Variants in LPP observed in about 807,000 individuals in gnomAD.
LPP encodes the protein lipoma-preferred partner.
In LPP, 38 loss-of-function variants were observed where a neutral mutation model predicts 60.4. That is an observed-to-expected ratio of 0.63 (90% CI 0.49 to 0.83). The LOEUF is 0.83. Ranked by LOEUF, LPP falls within the 40% of genes least tolerant of loss-of-function variation. LPP has a pLI of 0.00. For synonymous variants in LPP, 328 were observed against 290.8 expected, an observed-to-expected ratio of 1.13 and a Z score of -1.30; for missense variants, 902 against 783.6, an observed-to-expected ratio of 1.15 and a Z score of -1.80.
At chr3:188,175,314 C>T (rs1722763850) in intron 1 of LPP, among the ~76,000 whole-genome samples, 1 of 152,050 alleles carries the variant, frequency 6.6e-6, no homozygotes. Flanking sequence ...GTGTGAAACC[C>T]CTGACCTCAA....
At chr3:188,803,875 T>G (rs949027389) in intron 9 of LPP, among the ~76,000 whole-genome samples, 10 of 152,306 alleles carry the variant, frequency 6.6e-5, no homozygotes, top group African/African-American at 2.4e-4. Flanking sequence ...AATTGTTGAA[T>G]GTAGGTGTAA....
chr3:188,549,500 G>T (rs1031364604), intron 6 of LPP, among the ~76,000 whole-genome samples: 1 of 152,106 alleles, frequency 6.6e-6, no homozygotes, highest in Non-Finnish European at 1.5e-5. Context: ...TGTAAGTAGC[G>T]ATTTTAAAGA....
intron 4 of LPP, among the ~76,000 whole-genome samples, chr3:188,474,185 TATC>T (rs1802552859): frequency 1.3e-5 from 2 of 152,268 alleles, no homozygotes; most frequent in Admixed American, 1.3e-4. Context: ...ATAGCAATAA[TATC>T]ATTACTGTTT....
chr3:188,383,222 T>G (rs1022262281), intron 3 of LPP, among the ~76,000 whole-genome samples: 5 of 152,236 alleles, frequency 3.3e-5, no homozygotes, highest in African/African-American at 1.2e-4. Flanking sequence ...TAATTCTAGC[T>G]GAAATTTGCT....
chr3:188,669,553 G>C (rs896693545), intron 7 of LPP, among the ~76,000 whole-genome samples: 3 of 152,144 alleles, frequency 2.0e-5, no homozygotes, highest in African/African-American at 4.8e-5. Flanking sequence ...TCCAGCCTGG[G>C]TGACAGAGCA....
chr3:188,162,336 A>C (rs532157870), intron 1 of LPP, among the ~76,000 whole-genome samples: 1 of 151,984 alleles, frequency 6.6e-6, no homozygotes, highest in South Asian at 2.1e-4. Flanking sequence ...TGAGAATCAA[A>C]CCCCCCTCTC....
chr3:188,776,550 C>T (rs1429747619), intron 9 of LPP, among the ~76,000 whole-genome samples: 1 of 152,206 alleles, frequency 6.6e-6, no homozygotes, highest in Non-Finnish European at 1.5e-5. Context: ...GACTCATTGT[C>T]TTCCTCTGAT....
At chr3:188,481,831 A>G (rs996128697) in intron 4 of LPP, among the ~76,000 whole-genome samples, 2 of 152,204 alleles carry the variant, frequency 1.3e-5, no homozygotes, top group Non-Finnish European at 2.9e-5. Flanking sequence ...TGATGCTCTG[A>G]AAATTTCCCA....
chr3:188,747,274 C>A (rs913655421), intron 8 of LPP, among the ~76,000 whole-genome samples: 8 of 152,116 alleles, frequency 5.3e-5, no homozygotes, highest in Non-Finnish European at 7.4e-5. Flanking sequence ...AATATGATTT[C>A]TTGCTGTGTT....
intron 5 of LPP, among the ~76,000 whole-genome samples, chr3:188,509,497 G>T (rs2149993840): frequency 6.6e-6 from 1 of 152,270 alleles, no homozygotes; most frequent in African/African-American, 2.4e-5. Flanking sequence ...GTTTGCAGTT[G>T]ACAGTAGAGA....
chr3:188,370,806 T>C (rs1409245134), intron 3 of LPP, among the ~76,000 whole-genome samples: 2 of 152,200 alleles, frequency 1.3e-5, no homozygotes, highest in Non-Finnish European at 2.9e-5. Flanking sequence ...TGTTTCAAGC[T>C]GTGGCTCTTT....
chr3:188,295,662 C>T (rs555197559), intron 2 of LPP, among the ~76,000 whole-genome samples: 261 of 152,228 alleles, frequency 1.7e-3, no homozygotes, highest in Non-Finnish European at 2.6e-3. Context: ...CTCAGCCTCC[C>T]GAGTAACCTG....
At chr3:188,863,254 A>G (rs1450902098) in intron 9 of LPP, among the ~76,000 whole-genome samples, 1 of 152,234 alleles carries the variant, frequency 6.6e-6, no homozygotes, top group African/African-American at 2.4e-5. Context: ...ACTGAGATCG[A>G]AGGAATAAAT....
At chr3:188,163,691 C>G (rs1193943746) in intron 1 of LPP, among the ~76,000 whole-genome samples, 2 of 151,394 alleles carry the variant, frequency 1.3e-5, no homozygotes, top group Non-Finnish European at 2.9e-5. Flanking sequence ...CCTGTAGTCC[C>G]AGCACTTTGG....
chr3:188,567,760 C>A (rs1832542363), intron 6 of LPP, among the ~76,000 whole-genome samples: 1 of 151,974 alleles, frequency 6.6e-6, no homozygotes, highest in African/African-American at 2.4e-5. Context: ...TAATGACTTA[C>A]ATCAAACCAA....
chr3:188,269,856 C>T (rs1737080170), intron 2 of LPP, among the ~76,000 whole-genome samples: 1 of 152,148 alleles, frequency 6.6e-6, no homozygotes, highest in Non-Finnish European at 1.5e-5. Context: ...CCATGTTGGC[C>T]AGGCTGGTCT....
In LPP at chr3:188,875,244, A is replaced by T. The variant is rs753435917; in HGVS notation, c.*765A>T. 8 of 218,620 alleles carry T rather than the reference A, an allele frequency of 3.7e-5. No individual in the cohort carries two copies. Among genetic ancestry groups the T allele is most frequent in the Non-Finnish European group, 6.4e-5 (7 of 108,982 alleles). The allele number at this position is 218,620 out of a possible 1,614,324, so 13.5% of individuals were successfully genotyped here. A position where few individuals can be genotyped will look rare whatever the true frequency, so the allele number is the denominator to read the frequency against. ...AAAAGGCATTTTGGGGTTATGTTTA[A>T]AAAAACATTATTGTCCCACAATATT... is the stretch of plus-strand genomic sequence containing the variant. On this transcript the variant is annotated 3_prime_UTR_variant, in exon 12 of 12. Transcript: ENST00000617246.
intron 2 of LPP, among the ~76,000 whole-genome samples, chr3:188,313,991 A>G (rs923410321): frequency 2.0e-5 from 3 of 152,156 alleles, no homozygotes; most frequent in Non-Finnish European, 4.4e-5. Flanking sequence ...ACTTTACTGA[A>G]TTGTCTCATT....
chr3:188,395,023 ATTAGAG>A (rs1197092005), intron 3 of LPP, among the ~76,000 whole-genome samples: 3 of 152,166 alleles, frequency 2.0e-5, no homozygotes, highest in African/African-American at 7.2e-5. Flanking sequence ...GGCTCTTGGA[ATTAGAG>A]TTAAATAAAA....
Sources: allele counts gnomAD v4.1 joint callset (sites outside exome capture counted in the v4.1 genomes callset), GRCh38; gene constraint gnomAD v4.1.1; transcripts MANE v1.5; gene names NCBI Gene and HGNC (gene_info 2026-07-23, HGNC 2026-07-21).